SDC2: variants seen among roughly 807,000 people sequenced by gnomAD.
SDC2 encodes the protein syndecan-2.
SDC2 carries 13 observed loss-of-function variants against 22.2 expected under a neutral mutation model. That is an observed-to-expected ratio of 0.59 (90% CI 0.38 to 0.93). The LOEUF (loss-of-function observed/expected upper bound fraction) is 0.93. Ranked by LOEUF, SDC2 falls within the 40% of genes least tolerant of loss-of-function variation. The pLI is 0.00. For synonymous variants in SDC2, 94 were observed against 92.8 expected, an observed-to-expected ratio of 1.01 and a Z score of -0.07; for missense variants, 235 against 246.8, an observed-to-expected ratio of 0.95 and a Z score of 0.32.
intron 1 of SDC2, among the ~76,000 whole-genome samples, chr8:96,589,438 C>A (rs188055038): frequency 1.3e-3 from 202 of 152,190 alleles, no homozygotes; most frequent in Non-Finnish European, 1.8e-3. Context: ...GAGACAGAGT[C>A]TCCTTGCTCT....
At chr8:96,507,315 T>C (rs1813257509) in intron 1 of SDC2, among the ~76,000 whole-genome samples, 1 of 152,258 alleles carries the variant, frequency 6.6e-6, no homozygotes, top group Admixed American at 6.5e-5. Flanking sequence ...GATTAGCACC[T>C]AATGCACTTA....
intron 3 of SDC2, among the ~76,000 whole-genome samples, chr8:96,603,882 C>CA (rs2130656159): frequency 6.6e-6 from 1 of 152,324 alleles, no homozygotes; most frequent in South Asian, 2.1e-4. Context: ...GAGACCGACT[C>CA]ACCTGGCATG....
At chr8:96,524,801 C>T (rs1813552933) in intron 1 of SDC2, among the ~76,000 whole-genome samples, 1 of 152,176 alleles carries the variant, frequency 6.6e-6, no homozygotes. Flanking sequence ...CTGCAGGCTT[C>T]ATTGGGCTGT....
chr8:96,597,637 G>C (rs1186778192), intron 2 of SDC2, among the ~76,000 whole-genome samples: 7 of 152,158 alleles, frequency 4.6e-5, no homozygotes, highest in Admixed American at 3.9e-4. Flanking sequence ...GCAGATGCTC[G>C]AACAATGGCA....
intron 1 of SDC2, among the ~76,000 whole-genome samples, chr8:96,514,366 A>G (rs1813371539): frequency 6.6e-6 from 1 of 152,206 alleles, no homozygotes; most frequent in African/African-American, 2.4e-5. Context: ...GTAAAGGGAA[A>G]GTAGCCACTG....
chr8:96,536,889 C>A (rs149667510), intron 1 of SDC2, among the ~76,000 whole-genome samples: 1 of 152,308 alleles, frequency 6.6e-6, no homozygotes, highest in East Asian at 1.9e-4. Context: ...GGATAACTGG[C>A]AGGTAACTCT....
intron 1 of SDC2, among the ~76,000 whole-genome samples, chr8:96,548,776 A>G (rs1256353085): frequency 6.6e-6 from 1 of 152,222 alleles, no homozygotes; most frequent in African/African-American, 2.4e-5. Context: ...CAGTTTTAAC[A>G]TTGAGCGTCT....
intron 1 of SDC2, among the ~76,000 whole-genome samples, chr8:96,500,222 A>G (rs1003120109): frequency 7.2e-5 from 11 of 152,184 alleles, no homozygotes; most frequent in African/African-American, 2.7e-4. Context: ...GGCTGTGCTG[A>G]GATTCCAGCA....
At chr8:96,573,000 T>C (rs1274164577) in intron 1 of SDC2, among the ~76,000 whole-genome samples, 1 of 152,222 alleles carries the variant, frequency 6.6e-6, no homozygotes, top group East Asian at 1.9e-4. Context: ...GAAAACTGTG[T>C]GACCTCCCCA....
chr8:96,550,306 A>G (rs1221526484), intron 1 of SDC2, among the ~76,000 whole-genome samples: 1 of 152,202 alleles, frequency 6.6e-6, no homozygotes, highest in Non-Finnish European at 1.5e-5. Flanking sequence ...TCACGGGAGC[A>G]TTTTGGGTCT....
intron 3 of SDC2, among the ~76,000 whole-genome samples, chr8:96,606,905 C>T (rs1815089721): frequency 1.3e-5 from 2 of 152,144 alleles, no homozygotes; most frequent in Non-Finnish European, 2.9e-5. Flanking sequence ...AGTTCCCCAC[C>T]CGCTTCTGGG....
chr8:96,594,178 A>G (rs1165764888), intron 2 of SDC2, among the ~76,000 whole-genome samples: 1 of 152,204 alleles, frequency 6.6e-6, no homozygotes, highest in African/African-American at 2.4e-5. Flanking sequence ...CTAAGGCTAC[A>G]TAATAAACCA....
intron 1 of SDC2, among the ~76,000 whole-genome samples, chr8:96,513,110 A>G (rs1464108732): frequency 6.6e-6 from 1 of 152,238 alleles, no homozygotes; most frequent in Non-Finnish European, 1.5e-5. Flanking sequence ...AAAGCATACT[A>G]CATCCTGCTT....
intron 1 of SDC2, among the ~76,000 whole-genome samples, chr8:96,590,626 G>T (rs1814765026): frequency 6.6e-6 from 1 of 151,822 alleles, no homozygotes; most frequent in African/African-American, 2.4e-5. Flanking sequence ...TGAGCGCAGG[G>T]GTTTTTTTTT....
chr8:96,606,410 G>A (rs759982071), intron 3 of SDC2, among the ~76,000 whole-genome samples: 6 of 152,208 alleles, frequency 3.9e-5, no homozygotes, highest in South Asian at 4.1e-4. Context: ...GATGCTGGCC[G>A]ACAAGAACTT....
intron 1 of SDC2, among the ~76,000 whole-genome samples, chr8:96,579,339 GC>G (rs1814554666): frequency 6.6e-6 from 1 of 152,230 alleles, no homozygotes; most frequent in South Asian, 2.1e-4. Context: ...AAATGAAAAT[GC>G]CAAATTGCTT....
chr8:96,600,728 A>G (rs1814967286), intron 2 of SDC2, among the ~76,000 whole-genome samples: 1 of 152,178 alleles, frequency 6.6e-6, no homozygotes, highest in African/African-American at 2.4e-5. Flanking sequence ...GTAGGAACAG[A>G]GGGCTTCAGT....
chr8:96,535,146 T>C (rs562091359), intron 1 of SDC2, among the ~76,000 whole-genome samples: 6 of 152,240 alleles, frequency 3.9e-5, no homozygotes, highest in African/African-American at 1.4e-4. Flanking sequence ...GTAGCTGGGA[T>C]TACAGGCATG....
At chr8:96,547,346 C>T (rs986869672) in intron 1 of SDC2, among the ~76,000 whole-genome samples, 6 of 152,196 alleles carry the variant, frequency 3.9e-5, no homozygotes, top group African/African-American at 1.4e-4. Flanking sequence ...GCTCCACTTA[C>T]AGTGTGAGCC....
Sources: allele counts gnomAD v4.1 joint callset (sites outside exome capture counted in the v4.1 genomes callset), GRCh38; gene constraint gnomAD v4.1.1; transcripts MANE v1.5; gene names NCBI Gene and HGNC (gene_info 2026-07-23, HGNC 2026-07-21).